The following VAV2 variants were observed in gnomAD, a reference collection of about 807,000 sequenced individuals.
The protein encoded by VAV2 is vav guanine nucleotide exchange factor 2.
Under a neutral mutation model 132.5 loss-of-function variants are expected in VAV2, and 67 were observed. The ratio of observed to expected loss-of-function variants is 0.51; its 90% CI spans 0.42 to 0.62. The LOEUF (loss-of-function observed/expected upper bound fraction) is 0.62. Among genes scored for constraint, VAV2 ranks in the 20% least tolerant of loss-of-function variants. The pLI, the probability that VAV2 is intolerant of heterozygous loss-of-function variation, is 0.00. For missense variants in VAV2, 938 were observed against 1,153.6 expected (o/e 0.81, Z 2.71); for synonymous variants, 492 against 443.5 (o/e 1.11, Z -1.37).
At chr9:133,862,592 G>A (rs1383290072) in intron 2 of VAV2, among the ~76,000 whole-genome samples, 1 of 152,232 alleles carries the variant, frequency 6.6e-6, no homozygotes, top group East Asian at 1.9e-4. Context: ...GTGTACGTGT[G>A]TGTCTGGGGG....
chr9:133,848,305 T>A (rs1384009830), intron 3 of VAV2, among the ~76,000 whole-genome samples: 333 of 112,736 alleles, frequency 3.0e-3, no homozygotes, highest in East Asian at 4.9e-3. Context: ...AAAAAAAAAA[T>A]CCAAAGCAAT....
At chr9:133,972,567 T>C (rs941037712) in intron 1 of VAV2, among the ~76,000 whole-genome samples, 25 of 152,208 alleles carry the variant, frequency 1.6e-4, no homozygotes, top group Non-Finnish European at 7.3e-5. Flanking sequence ...TGAGCCCCCC[T>C]GAGAAACATC....
chr9:133,877,716 G>A (rs1354239639), intron 2 of VAV2, among the ~76,000 whole-genome samples: 1 of 152,206 alleles, frequency 6.6e-6, no homozygotes, highest in Non-Finnish European at 1.5e-5. Context: ...AATGGGGACA[G>A]GTGACAGTAG....
intron 2 of VAV2, among the ~76,000 whole-genome samples, chr9:133,920,837 C>A (rs1474508358): frequency 1.3e-5 from 2 of 152,144 alleles, no homozygotes; most frequent in African/African-American, 4.8e-5. Context: ...AACTGAGGTC[C>A]CTGAAGGTCA....
rs569508413 is a variant in VAV2 at position 133,971,781 on chromosome 9, C to T, written c.204+20294G>A. On this transcript the variant is annotated intron_variant, in intron 1 of 29. Coordinates refer to ENST00000371850, the MANE Select transcript of VAV2 (RefSeq NM_001134398.2). ...CCACAGCCTGGGGCCACCTGCACCA[C>T]CCGGGTCCTGAATCACAATGGGGAG... 5.3e-5 allele frequency among the ~76,000 whole-genome samples: 8 copies of T among 152,282 alleles called. No homozygotes were observed. In the East Asian group the frequency reaches 1.5e-3, roughly 29 times the overall value.
rs573063751 is a variant in VAV2 at position 133,921,081 on chromosome 9, G to A, written c.321+18022C>T. ...CTTAATATGCATAATCTCTGAAGCC[G>A]TGCAGCCCTGAGAGGGGAAGGCAGG... On this transcript the variant is annotated intron_variant, in intron 2 of 29. Coordinates refer to ENST00000371850, the MANE Select transcript of VAV2 (RefSeq NM_001134398.2). 6.6e-5 allele frequency among the ~76,000 whole-genome samples: 10 copies of A among 152,334 alleles called. No homozygotes were observed. In the East Asian group the frequency reaches 7.7e-4, roughly 12 times the overall value.
At position 133,763,748 on chromosome 9, in the gene VAV2, G is replaced by A. The variant is rs965955957; in HGVS notation, c.*314C>T. On this transcript the variant is annotated 3_prime_UTR_variant, in exon 30 of 30. Transcript: ENST00000371850. The surrounding 1 kb of genome is among the most constrained non-coding windows in gnomAD (Gnocchi z 6.8). ...CCATCTCAGTTGGACAGGGGCAGGCGATGGGCCTCTGGCCTCAGCCACTAC... is the reference window on the plus strand; with the variant it reads ...CCATCTCAGTTGGACAGGGGCAGGCAATGGGCCTCTGGCCTCAGCCACTAC... 15 of 399,812 alleles carry A rather than the reference G, an allele frequency of 3.8e-5. No homozygotes were observed. Among genetic ancestry groups the A allele is most frequent in the African/African-American group, 8.2e-5 (4 of 48,770 alleles). The allele number at this position is 399,812 out of a possible 1,614,324, so 24.8% of individuals were successfully genotyped here.
rs60109919 is a variant in VAV2 at position 133,981,034 on chromosome 9, G to A, written c.204+11041C>T. On this transcript the variant is annotated intron_variant, in intron 1 of 29. Coordinates refer to ENST00000371850, the MANE Select transcript of VAV2 (RefSeq NM_001134398.2). ...TTGCTGAGGACTAGCACAGCTTGCT[G>A]TTGACCCTGCCAACAGCAAAGCCTG... 2.8e-3 allele frequency among the ~76,000 whole-genome samples: 423 copies of A among 152,338 alleles called. 1 individual carries two copies. The highest frequency in any genetic ancestry group is 9.6e-3 in the African/African-American group (398 of 41,574).
chr9:133,952,082 G>T (rs1167144434), intron 1 of VAV2, among the ~76,000 whole-genome samples: 1 of 152,024 alleles, frequency 6.6e-6, no homozygotes, highest in Admixed American at 6.6e-5. Context: ...CCGCTCTTAC[G>T]ACCTCATCTA....
At chr9:133,989,452 G>T (rs1165599452) in intron 1 of VAV2, among the ~76,000 whole-genome samples, 1 of 151,842 alleles carries the variant, frequency 6.6e-6, no homozygotes, top group Non-Finnish European at 1.5e-5. Flanking sequence ...CCCAGGAAGT[G>T]GAGGTTGCAG....
chr9:133,846,207 G>A (rs907974255), intron 3 of VAV2, among the ~76,000 whole-genome samples: 2 of 152,194 alleles, frequency 1.3e-5, no homozygotes, highest in East Asian at 1.9e-4. Flanking sequence ...GGTGGGCTGG[G>A]AGCCAGGACC....
chr9:133,980,368 A>G (rs1261372369), intron 1 of VAV2, among the ~76,000 whole-genome samples: 1 of 152,134 alleles, frequency 6.6e-6, no homozygotes, highest in Non-Finnish European at 1.5e-5. Context: ...GGTGCTGCCC[A>G]GAGTCTTCCA....
At chr9:133,924,270 A>G (rs1011819471) in intron 2 of VAV2, among the ~76,000 whole-genome samples, 1 of 152,048 alleles carries the variant, frequency 6.6e-6, no homozygotes, top group Non-Finnish European at 1.5e-5. Flanking sequence ...GCAACCTCCA[A>G]TTCCCGGGTT....
chr9:133,898,981 C>T (rs970468323), intron 2 of VAV2, among the ~76,000 whole-genome samples: 21 of 151,968 alleles, frequency 1.4e-4, no homozygotes, highest in African/African-American at 4.8e-4. Context: ...GCCACCACGC[C>T]CGGCTAATTT....
At chr9:133,954,382 G>A (rs995469138) in intron 1 of VAV2, among the ~76,000 whole-genome samples, 9 of 152,234 alleles carry the variant, frequency 5.9e-5, no homozygotes, top group Non-Finnish European at 1.0e-4. Context: ...GAGCAAGTGC[G>A]CGTGAGACGC....
intron 1 of VAV2, among the ~76,000 whole-genome samples, chr9:133,973,924 G>A (rs982704889): frequency 6.6e-6 from 1 of 152,214 alleles, no homozygotes; most frequent in East Asian, 1.9e-4. Flanking sequence ...CAATTCAGGA[G>A]GAAAATGAGG....
chr9:133,956,500 A>G (rs189712774), intron 1 of VAV2, among the ~76,000 whole-genome samples: 2 of 152,274 alleles, frequency 1.3e-5, no homozygotes, highest in East Asian at 1.9e-4. Context: ...ACGAGTAGAC[A>G]TTACTTTTAG....
At chr9:133,923,640 G>A (rs1344885109) in intron 2 of VAV2, among the ~76,000 whole-genome samples, 3 of 152,028 alleles carry the variant, frequency 2.0e-5, no homozygotes, top group Non-Finnish European at 4.4e-5. Flanking sequence ...CCCATTACTG[G>A]GTATATACTC....
At chr9:133,942,525 C>A (rs115234210) in intron 1 of VAV2, among the ~76,000 whole-genome samples, 1 of 152,278 alleles carries the variant, frequency 6.6e-6, no homozygotes, top group Non-Finnish European at 1.5e-5. Context: ...CTCATCTGCG[C>A]GGCTGCATGT....
Sources: allele counts gnomAD v4.1 joint callset (sites outside exome capture counted in the v4.1 genomes callset), GRCh38; gene constraint gnomAD v4.1.1; non-coding constraint Gnocchi (gnomAD v3.1); transcripts MANE v1.5; gene names NCBI Gene and HGNC (gene_info 2026-07-23, HGNC 2026-07-21).